IMMP1L: variants seen among roughly 807,000 people sequenced by gnomAD.
The protein encoded by IMMP1L is inner mitochondrial membrane peptidase subunit 1.
Under a neutral mutation model 21.8 loss-of-function variants are expected in IMMP1L, and 24 were observed. That is an observed-to-expected ratio of 1.10 (90% CI 0.80 to 1.55). The LOEUF is 1.55. Ranked by LOEUF, IMMP1L falls within the 40% of genes most tolerant of loss-of-function variation. IMMP1L has a pLI of 0.00. For missense variants in IMMP1L, 195 were observed against 200.7 expected (o/e 0.97, Z 0.17); for synonymous variants, 46 against 62.8 (o/e 0.73, Z 1.26).
chr11:31,477,626 G>A (rs879756450), intron 1 of IMMP1L: 55 of 796,816 alleles, frequency 6.9e-5, no homozygotes, highest in Non-Finnish European at 8.2e-5. Flanking sequence ...CAGTTATAGC[G>A]CCAGGTGGCT....
chr11:31,446,304 T>TC (rs1422092458), intron 4 of IMMP1L, among the ~76,000 whole-genome samples: 1 of 152,210 alleles, frequency 6.6e-6, no homozygotes, highest in East Asian at 1.9e-4. Flanking sequence ...CACAGCCTAT[T>TC]AACTGGTCTC....
intron 1 of IMMP1L, among the ~76,000 whole-genome samples, chr11:31,503,562 A>T (rs554095627): frequency 2.0e-5 from 3 of 152,350 alleles, no homozygotes; most frequent in Non-Finnish European, 2.9e-5. Context: ...ATATTTATTT[A>T]TCAGCAATAA....
chr11:31,462,079 C>T (rs751635837), intron 2 of IMMP1L, among the ~76,000 whole-genome samples: 16 of 152,044 alleles, frequency 1.1e-4, no homozygotes, highest in Non-Finnish European at 2.1e-4. Flanking sequence ...CTTTGGGATG[C>T]CAAGGTAGGC....
intron 2 of IMMP1L, among the ~76,000 whole-genome samples, chr11:31,462,857 CAT>C (rs920491029): frequency 1.3e-5 from 2 of 152,138 alleles, no homozygotes; most frequent in Non-Finnish European, 2.9e-5. Context: ...AAACATCAAA[CAT>C]ATCCTGAAAC....
At chr11:31,496,341 G>A (rs1955435777) in intron 1 of IMMP1L, among the ~76,000 whole-genome samples, 1 of 152,222 alleles carries the variant, frequency 6.6e-6, no homozygotes, top group African/African-American at 2.4e-5. Context: ...TGCTAAGGAT[G>A]TGGTGAAATT....
chr11:31,485,801 C>T (rs904491078), intron 1 of IMMP1L, among the ~76,000 whole-genome samples: 7 of 151,718 alleles, frequency 4.6e-5, no homozygotes, highest in African/African-American at 1.7e-4. Context: ...GAAAACAGTC[C>T]AACACAGCAT....
chr11:31,441,492 A>G (rs1953328015), intron 4 of IMMP1L, among the ~76,000 whole-genome samples: 1 of 152,152 alleles, frequency 6.6e-6, no homozygotes, highest in African/African-American at 2.4e-5. Flanking sequence ...CTAGCCAAGA[A>G]CACATTTAAA....
intron 2 of IMMP1L, among the ~76,000 whole-genome samples, chr11:31,462,089 C>CA (rs768303291): frequency 2.6e-5 from 4 of 151,954 alleles, no homozygotes; most frequent in Non-Finnish European, 5.9e-5. Flanking sequence ...CCAAGGTAGG[C>CA]AGATCACCTG....
chr11:31,508,850 GT>G (rs1019670705), intron 1 of IMMP1L, among the ~76,000 whole-genome samples: 2 of 152,040 alleles, frequency 1.3e-5, no homozygotes, highest in Non-Finnish European at 2.9e-5. Flanking sequence ...CAAAATACAT[GT>G]TTTTTCCACA....
chr11:31,451,003 T>C (rs1289928206), intron 4 of IMMP1L, among the ~76,000 whole-genome samples: 1 of 152,124 alleles, frequency 6.6e-6, no homozygotes, highest in Non-Finnish European at 1.5e-5. Context: ...TAGGAAATAG[T>C]CCAGGTGTTG....
At chr11:31,496,619 G>T (rs1227824506) in intron 1 of IMMP1L, among the ~76,000 whole-genome samples, 1 of 151,012 alleles carries the variant, frequency 6.6e-6, no homozygotes, top group East Asian at 1.9e-4. Context: ...TGATATATGT[G>T]TGTGTGTGTG....
In IMMP1L at chr11:31,509,552, C is replaced by T. The variant is rs935791385; in HGVS notation, c.-63G>A. The T allele has an allele frequency of 2.8e-5, 16 of 574,046 alleles. No homozygotes were observed. The highest frequency in any genetic ancestry group is 4.4e-5 in the Non-Finnish European group (14 of 320,920). 35.6% of individuals were successfully genotyped at this position (574,046 alleles called of 1,614,324 possible). ...CCAAAGAACCCTGGAGACCCTCAAC[C>T]AGGACACAGGTGGGCCTTTCTCACC... On this transcript the variant is annotated 5_prime_UTR_variant, in exon 1 of 6. Transcript: ENST00000532287.
At chr11:31,457,113 G>A (rs995708462) in intron 3 of IMMP1L, among the ~76,000 whole-genome samples, 10 of 151,832 alleles carry the variant, frequency 6.6e-5, no homozygotes, top group Admixed American at 5.9e-4. Flanking sequence ...AGGAATGATA[G>A]CATGTAAGTC....
intron 1 of IMMP1L, among the ~76,000 whole-genome samples, chr11:31,495,431 T>C (rs1955399858): frequency 6.6e-6 from 1 of 152,152 alleles, no homozygotes; most frequent in Admixed American, 6.5e-5. Flanking sequence ...ACTGTATTAG[T>C]CCATTCTCAT....
At chr11:31,495,914 T>G (rs1955416566) in intron 1 of IMMP1L, among the ~76,000 whole-genome samples, 2 of 152,186 alleles carry the variant, frequency 1.3e-5, no homozygotes, top group African/African-American at 4.8e-5. Flanking sequence ...TACACAACTC[T>G]TGATTGGCCA....
At chr11:31,446,890 A>T (rs1161238714) in intron 4 of IMMP1L, among the ~76,000 whole-genome samples, 1 of 152,200 alleles carries the variant, frequency 6.6e-6, no homozygotes, top group Non-Finnish European at 1.5e-5. Context: ...TACACTGTCC[A>T]ATATGGCAGC....
At chr11:31,488,678 C>T (rs1392189619) in intron 1 of IMMP1L, among the ~76,000 whole-genome samples, 1 of 151,906 alleles carries the variant, frequency 6.6e-6, no homozygotes, top group Non-Finnish European at 1.5e-5. Context: ...GAATACAATA[C>T]TAGTGATATA....
intron 1 of IMMP1L, among the ~76,000 whole-genome samples, chr11:31,471,025 G>A (rs944189836): frequency 6.6e-6 from 1 of 152,138 alleles, no homozygotes; most frequent in African/African-American, 2.4e-5. Context: ...AGCTATATAG[G>A]AGAAATAAGT....
chr11:31,432,515 T>C lies in IMMP1L; in HGVS notation c.486A>G (p.Arg162=), dbSNP rs745850225. The C allele has an allele frequency of 6.2e-6, 10 of 1,611,834 alleles. No homozygotes were observed. Among genetic ancestry groups the C allele is most frequent in the African/African-American group, 4.0e-5 (3 of 74,866 alleles). ...GFLRASPNGH[R]FSDD ...TAAATGCTTACTAATCATCAGAAAATCTGTGGCCATTAGGGCTGGCACGTA... is the reference window on the plus strand; with the variant it reads ...TAAATGCTTACTAATCATCAGAAAACCTGTGGCCATTAGGGCTGGCACGTA... The change falls in exon 6 of 6, where the codon AGA becomes AGG. Residue 162 remains arginine, a synonymous_variant. Coordinates refer to ENST00000532287, the MANE Select transcript of IMMP1L (RefSeq NM_001304274.2).
Sources: gnomAD v4.1 joint callset for allele counts (sites outside exome capture counted in the v4.1 genomes callset) on GRCh38, gnomAD v4.1.1 for gene constraint, MANE v1.5 for transcripts, NCBI Gene and HGNC (gene_info 2026-07-23, HGNC 2026-07-21) for gene names.